The following GLYR1 variants were observed in gnomAD, a reference collection of about 807,000 sequenced individuals.
GLYR1 encodes glyoxylate reductase 1 homolog.
Under a neutral mutation model 72.7 loss-of-function variants are expected in GLYR1, and 21 were observed. The observed-to-expected ratio is 0.29, with a 90% confidence interval of 0.20 to 0.42. The LOEUF (loss-of-function observed/expected upper bound fraction) is 0.42. Ranked by LOEUF, GLYR1 falls within the 10% of genes least tolerant of loss-of-function variation. The pLI is 1.00. For synonymous variants in GLYR1, 392 were observed against 270.2 expected (o/e 1.45, Z -4.42); for missense variants, 594 against 712.1 (o/e 0.83, Z 1.89).
At chr16:4,814,443 A>T in intron 11 of GLYR1, 94 bp downstream of exon 11, 1 of 902,136 alleles carries the variant, frequency 1.1e-6, no homozygotes, top group East Asian at 2.4e-5. Context: ...CCACATGTGG[A>T]CACTCACTTG....
chr16:4,843,114 T>G (rs2142051582), intron 3 of GLYR1, among the ~76,000 whole-genome samples: 1 of 152,318 alleles, frequency 6.6e-6, no homozygotes, highest in East Asian at 1.9e-4. Context: ...TGTCAAGCAA[T>G]TCAGAAAGTG....
chr16:4,819,167 T>A (rs931637912), intron 9 of GLYR1, among the ~76,000 whole-genome samples: 10 of 151,978 alleles, frequency 6.6e-5, no homozygotes, highest in African/African-American at 2.2e-4. Context: ...AGTTTTTAAT[T>A]TTTATTTATT....
intron 7 of GLYR1, among the ~76,000 whole-genome samples, chr16:4,822,071 A>G (rs986814002): frequency 6.6e-6 from 1 of 152,236 alleles, no homozygotes; most frequent in African/African-American, 2.4e-5. Context: ...GACAGTCTCA[A>G]CTACACAGCT....
chr16:4,814,482 G>T, intron 11 of GLYR1, 55 bp downstream of exon 11: 1 of 1,378,914 alleles, frequency 7.3e-7, no homozygotes, highest in Non-Finnish European at 1.0e-6. Flanking sequence ...GAAGAGGCCA[G>T]CCAGCAATCC....
rs192300787 is a variant in GLYR1 at position 4,828,398 on chromosome 16, G to A, written c.537+3581C>T. Among the ~76,000 whole-genome samples, 15 of 152,174 alleles carry A rather than the reference G, an allele frequency of 9.9e-5. No homozygotes were observed. The East Asian group carries it at 2.9e-3, about 29-fold the overall frequency. On this transcript the variant is annotated intron_variant, in intron 5 of 15. Coordinates refer to ENST00000321919, the MANE Select transcript of GLYR1 (RefSeq NM_032569.4). The stretch of plus-strand genomic sequence containing the variant: ...TATGTACATTTTAAAAAGACATATT[G>A]CTATTGTACCACTTAATAGACTACA...
At chr16:4,830,928 C>A (rs2084757065) in intron 5 of GLYR1, among the ~76,000 whole-genome samples, 1 of 152,128 alleles carries the variant, frequency 6.6e-6, no homozygotes, top group African/African-American at 2.4e-5. Flanking sequence ...GACTCAACTA[C>A]CCTTTTACAA....
At chr16:4,814,100 A>G (rs930854) in intron 11 of GLYR1, 189,398 of 377,678 alleles carry the variant, frequency 0.5, 50,816 homozygotes, top group African/African-American at 0.73. Context: ...TTAAAAGAAT[A>G]AACCTCAGCA....
intron 3 of GLYR1, among the ~76,000 whole-genome samples, chr16:4,836,863 G>A (rs1412681024): frequency 6.6e-6 from 1 of 151,012 alleles, no homozygotes; most frequent in Non-Finnish European, 1.5e-5. Context: ...CTCTGCCCTA[G>A]AACACAGGCT....
At chr16:4,830,115 T>A (rs931053549) in intron 5 of GLYR1, among the ~76,000 whole-genome samples, 10 of 152,004 alleles carry the variant, frequency 6.6e-5, no homozygotes, top group Admixed American at 3.3e-4. Context: ...ATTTTTTAGT[T>A]TTTGTAGAGC....
At chr16:4,821,510 G>A in intron 8 of GLYR1, 37 bp downstream of exon 8, 1 of 1,613,682 alleles carries the variant, frequency 6.2e-7, no homozygotes, top group South Asian at 1.1e-5. Context: ...AAGGCCCCAG[G>A]TGAAAATTAA....
At chr16:4,842,853 C>T (rs1462179580) in intron 3 of GLYR1, among the ~76,000 whole-genome samples, 1 of 152,138 alleles carries the variant, frequency 6.6e-6, no homozygotes, top group African/African-American at 2.4e-5. Context: ...GTGTGCACCA[C>T]CACACCCGAC....
intron 3 of GLYR1, among the ~76,000 whole-genome samples, chr16:4,835,695 G>A (rs1041827718): frequency 2.6e-5 from 4 of 152,186 alleles, no homozygotes; most frequent in Non-Finnish European, 5.9e-5. Context: ...GCTGGGTGTA[G>A]TGGCACGCAG....
intron 3 of GLYR1, chr16:4,843,485 A>C (rs2085713842): frequency 7.8e-7 from 1 of 1,274,964 alleles, no homozygotes; most frequent in Non-Finnish European, 1.0e-6. Flanking sequence ...TGGAGTTCTA[A>C]GAACATTCCC....
intron 15 of GLYR1, among the ~76,000 whole-genome samples, chr16:4,806,224 C>A (rs1186543899): frequency 2.0e-5 from 3 of 152,126 alleles, no homozygotes; most frequent in African/African-American, 7.2e-5. Context: ...GGATAGCCCC[C>A]CCACACAGAA....
chr16:4,809,536 C>T (rs2083203584), intron 15 of GLYR1, among the ~76,000 whole-genome samples: 1 of 148,416 alleles, frequency 6.7e-6, no homozygotes, highest in African/African-American at 2.5e-5. Flanking sequence ...GGAGTGAACC[C>T]GGGAGACGAA....
chr16:4,835,084 A>G (rs1428147505), intron 3 of GLYR1, among the ~76,000 whole-genome samples: 2 of 152,162 alleles, frequency 1.3e-5, no homozygotes, highest in Non-Finnish European at 2.9e-5. Context: ...TCAGAAGCTG[A>G]GAACCACACA....
intron 15 of GLYR1, among the ~76,000 whole-genome samples, chr16:4,809,940 A>C (rs1238555631): frequency 7.4e-5 from 11 of 149,246 alleles, no homozygotes; most frequent in Non-Finnish European, 1.6e-4. Flanking sequence ...AAACAAAAAA[A>C]CAAAAAACAA....
At chr16:4,825,354 G>A (rs182676798) in intron 5 of GLYR1, among the ~76,000 whole-genome samples, 152 of 151,596 alleles carry the variant, frequency 1.0e-3, no homozygotes, top group Non-Finnish European at 4.7e-4. Context: ...TTTCCCCCCC[G>A]CACCAAACAC....
At chr16:4,810,511 A>G (rs1164896632) in intron 15 of GLYR1, among the ~76,000 whole-genome samples, 1 of 151,410 alleles carries the variant, frequency 6.6e-6, no homozygotes, top group South Asian at 2.1e-4. Flanking sequence ...CTCTGTCTCA[A>G]AAAAAAGAAA....
Sources: allele counts gnomAD v4.1 joint callset (sites outside exome capture counted in the v4.1 genomes callset), GRCh38; gene constraint gnomAD v4.1.1; transcripts MANE v1.5; gene names NCBI Gene and HGNC (gene_info 2026-07-23, HGNC 2026-07-21).